PPM1L: variants seen among roughly 807,000 people sequenced by gnomAD.
PPM1L encodes protein phosphatase 1L.
PPM1L carries 13 observed loss-of-function variants against 31.4 expected under a neutral mutation model. That is an observed-to-expected ratio of 0.41 (90% confidence interval 0.27 to 0.66). PPM1L has a LOEUF of 0.66. Ranked by LOEUF, PPM1L falls within the 30% of genes least tolerant of loss-of-function variation. The pLI is 0.29. For missense variants in PPM1L, 326 were observed against 453.7 expected (o/e 0.72, Z 2.56); for synonymous variants, 184 against 175.4 (o/e 1.05, Z -0.39).
chr3:160,937,332 T>G (rs567284890), intron 1 of PPM1L, among the ~76,000 whole-genome samples: 1 of 152,020 alleles, frequency 6.6e-6, no homozygotes, highest in Non-Finnish European at 1.5e-5. Context: ...TACAAAACCA[T>G]GTAAGAGGCC....
At chr3:161,046,134 A>AAAAAAACAAAAC (rs1719058391) in intron 2 of PPM1L, among the ~76,000 whole-genome samples, 1 of 142,864 alleles carries the variant, frequency 7.0e-6, no homozygotes, top group African/African-American at 2.6e-5. Flanking sequence ...AAAAAAAAAA[A>AAAAAAACAAAAC]TCAATGAATA....
chr3:160,767,868 T>C (rs1180696563), intron 1 of PPM1L, among the ~76,000 whole-genome samples: 1 of 152,192 alleles, frequency 6.6e-6, no homozygotes, highest in African/African-American at 2.4e-5. Flanking sequence ...ACCATTTCTT[T>C]TTAATCTAGT....
chr3:160,862,033 C>G (rs1711910778), intron 1 of PPM1L, among the ~76,000 whole-genome samples: 1 of 152,104 alleles, frequency 6.6e-6, no homozygotes, highest in African/African-American at 2.4e-5. Flanking sequence ...TCTGCAGAGT[C>G]CCGTTTGCCA....
At chr3:160,870,317 G>T (rs1447507964) in intron 1 of PPM1L, among the ~76,000 whole-genome samples, 1 of 152,138 alleles carries the variant, frequency 6.6e-6, no homozygotes, top group South Asian at 2.1e-4. Context: ...CCTCCAAAAT[G>T]CCCCAAGAGT....
At chr3:160,973,764 G>GTTTTTTTTTTTTTTTTTTTTTTTTTTT (rs75599237) in intron 2 of PPM1L, among the ~76,000 whole-genome samples, 1 of 88,450 alleles carries the variant, frequency 1.1e-5, no homozygotes, top group Non-Finnish European at 2.6e-5. Flanking sequence ...GAAAGGCCCT[G>GTTTTTTTTTTTTTTTTTTTTTTTTTTT]TTTTTTTTTT....
chr3:160,954,908 CTTCCTTCCTTCCTTCT>C lies in PPM1L; in HGVS notation c.400-6812_400-6797del, dbSNP rs1249851115. On this transcript the variant is annotated intron_variant, in intron 1 of 3. Transcript: ENST00000498165. ...TTTCCCTTTCTTTCTTCCTTCCTTC[CTTCCTTCCTTCCTTCT>C]TTCCTTCCTTCCTTCCTTCCTTCCT... Among the ~76,000 whole-genome samples, 105 of 124,270 alleles carry C rather than the reference CTTCCTTCCTTCCTTCT, an allele frequency of 8.4e-4. 1 individual carries two copies. Among genetic ancestry groups the C allele is most frequent in the African/African-American group, 2.9e-3 (95 of 32,386 alleles). The allele number at this position is 124,270 out of a possible 152,430, so 81.5% of individuals were successfully genotyped here. A position where few individuals can be genotyped will look rare whatever the true frequency, so the allele number is the denominator to read the frequency against.
chr3:160,864,949 C>T (rs1364781742), intron 1 of PPM1L, among the ~76,000 whole-genome samples: 1 of 152,096 alleles, frequency 6.6e-6, no homozygotes, highest in African/African-American at 2.4e-5. Flanking sequence ...TTTAATCTAC[C>T]ATGTGTTGTC....
rs942334873 is a variant in PPM1L, at chr3:160,983,450, G to C, written c.574+21540G>C. On this transcript the variant is annotated intron_variant, in intron 2 of 3. Transcript: ENST00000498165. ...ATTTTTTGGGGGGTGGTGGGATAGG[G>C]GGTGGGTAATATGAAAGCTTTACAA... is the stretch of plus-strand genomic sequence containing the variant. 6.6e-5 allele frequency among the ~76,000 whole-genome samples: 10 copies of C among 151,848 alleles called. No homozygotes were observed. In the East Asian group the frequency reaches 1.9e-3, roughly 29 times the overall value.
At chr3:161,049,180 G>T (rs1467965119) in intron 2 of PPM1L, among the ~76,000 whole-genome samples, 10 of 151,886 alleles carry the variant, frequency 6.6e-5, no homozygotes, top group Admixed American at 1.3e-4. Flanking sequence ...TGGGAAGCTG[G>T]GGTGGGAGGA....
chr3:160,889,848 A>G (rs75434299), intron 1 of PPM1L, among the ~76,000 whole-genome samples: 1 of 152,244 alleles, frequency 6.6e-6, no homozygotes, highest in South Asian at 2.1e-4. Flanking sequence ...CTGGTTCAAC[A>G]TATGCAAATC....
At chr3:160,770,177 T>C (rs1304408488) in intron 1 of PPM1L, among the ~76,000 whole-genome samples, 1 of 152,236 alleles carries the variant, frequency 6.6e-6, no homozygotes, top group East Asian at 1.9e-4. Flanking sequence ...TAAAAAGATA[T>C]GCCATTATAT....
chr3:161,056,560 A>C (rs146002965), intron 2 of PPM1L, among the ~76,000 whole-genome samples: 1 of 152,174 alleles, frequency 6.6e-6, no homozygotes, highest in African/African-American at 2.4e-5. Flanking sequence ...TCCTATCACC[A>C]AGATAGCCCT....
At chr3:160,986,192 A>G (rs1716959002) in intron 2 of PPM1L, among the ~76,000 whole-genome samples, 2 of 152,214 alleles carry the variant, frequency 1.3e-5, no homozygotes, top group Non-Finnish European at 2.9e-5. Flanking sequence ...AGAGTGAGGT[A>G]TTACTCACAG....
intron 1 of PPM1L, among the ~76,000 whole-genome samples, chr3:160,937,577 G>A (rs865987128): frequency 6.6e-6 from 1 of 152,036 alleles, no homozygotes; most frequent in Non-Finnish European, 1.5e-5. Flanking sequence ...CCGAGATCGC[G>A]CCACTGCACT....
intron 1 of PPM1L, among the ~76,000 whole-genome samples, chr3:160,788,591 C>T (rs1426904346): frequency 4.6e-5 from 7 of 151,960 alleles, no homozygotes; most frequent in Admixed American, 1.3e-4. Flanking sequence ...TATGCCATCA[C>T]ATTTAGCAAT....
intron 2 of PPM1L, among the ~76,000 whole-genome samples, chr3:160,987,505 G>T (rs977828606): frequency 2.0e-5 from 3 of 152,176 alleles, no homozygotes; most frequent in Non-Finnish European, 4.4e-5. Flanking sequence ...CCCAGCCAGA[G>T]GCCAATTTAG....
chr3:160,795,058 C>G (rs1712210259), intron 1 of PPM1L, among the ~76,000 whole-genome samples: 1 of 152,042 alleles, frequency 6.6e-6, no homozygotes, highest in Non-Finnish European at 1.5e-5. Context: ...GAGCCTCACC[C>G]CCATACAGGG....
chr3:160,815,069 A>C (rs1170497723), intron 1 of PPM1L, among the ~76,000 whole-genome samples: 3 of 152,058 alleles, frequency 2.0e-5, no homozygotes, highest in African/African-American at 7.2e-5. Flanking sequence ...GCTCAGTTGC[A>C]CCACAATGGG....
At chr3:160,842,201 T>C (rs1459852405) in intron 1 of PPM1L, 4 of 694,978 alleles carry the variant, frequency 5.8e-6, no homozygotes, top group African/African-American at 3.5e-5. Flanking sequence ...AACTTGGAGA[T>C]AGGAAGAATT....
Sources: allele counts gnomAD v4.1 joint callset (sites outside exome capture counted in the v4.1 genomes callset), GRCh38; gene constraint gnomAD v4.1.1; transcripts MANE v1.5; gene names NCBI Gene and HGNC (gene_info 2026-07-23, HGNC 2026-07-21).